EXOC2: variants seen among roughly 807,000 people sequenced by gnomAD.
The protein encoded by EXOC2 is SEC5-like 1.
In EXOC2, 70 loss-of-function variants were observed where a neutral mutation model predicts 131.8. The ratio of observed to expected loss-of-function variants is 0.53; its 90% CI spans 0.44 to 0.65. EXOC2 has a LOEUF of 0.65. EXOC2 is among the 30% of genes least tolerant of loss of function. The pLI, the probability that EXOC2 is intolerant of heterozygous loss-of-function variation, is 0.00. For synonymous variants in EXOC2, 411 were observed against 398.4 expected (o/e 1.03, Z -0.38); for missense variants, 923 against 1,108.6 (o/e 0.83, Z 2.38).
chr6:644,709 G>T (rs545562542), intron 1 of EXOC2, among the ~76,000 whole-genome samples: 29 of 152,048 alleles, frequency 1.9e-4, no homozygotes, highest in Non-Finnish European at 3.2e-4. Context: ...AGTAGGAAAT[G>T]ATTAGAAAAT....
At chr6:511,708 A>G (rs1374734293) in intron 23 of EXOC2, among the ~76,000 whole-genome samples, 1 of 152,220 alleles carries the variant, frequency 6.6e-6, no homozygotes, top group African/African-American at 2.4e-5. Flanking sequence ...CACTCCAAGG[A>G]TGTCACCAAT....
At chr6:658,629 AATATATATATATATTTTATATATATAT>A (rs1270215774) in intron 1 of EXOC2, among the ~76,000 whole-genome samples, 1 of 119,922 alleles carries the variant, frequency 8.3e-6, no homozygotes, top group Non-Finnish European at 1.8e-5. Flanking sequence ...GGATATTTAA[AATATATATATATATTTTATATATATAT>A]ATATATATAT....
In EXOC2 at chr6:490,918, A is replaced by G. The variant is rs139285530; in HGVS notation, c.2621+207T>C. Among the ~76,000 whole-genome samples, 120 of 152,322 alleles carry G rather than the reference A, an allele frequency of 7.9e-4. 1 individual carries two copies. The East Asian group carries it at 0.02, about 26-fold the overall frequency. ...ATGTCATACTCTGCTGTATTATAAG[A>G]CTAAGATTTGTCAGTAGTAAATGAA... is the stretch of plus-strand genomic sequence containing the variant. On this transcript the variant is annotated intron_variant, in intron 26 of 27. Coordinates refer to ENST00000230449, the MANE Select transcript of EXOC2 (RefSeq NM_018303.6).
chr6:491,133 G>A lies in EXOC2; in HGVS notation c.2613C>T (p.Pro871=), dbSNP rs765317151. Residue 871 remains proline (P), a synonymous_variant, in exon 26 of 28, where the codon CCC becomes CCT. Coordinates refer to ENST00000230449, the MANE Select transcript of EXOC2 (RefSeq NM_018303.6). ...LRDTVAVYLT[P]ESKSSFKQAL... ...AGAACACTGCCACTTACTTGCTTTCGGGTGTCAGGTAAACAGCCACAGTGT... is the reference window on the plus strand; with the variant it reads ...AGAACACTGCCACTTACTTGCTTTCAGGTGTCAGGTAAACAGCCACAGTGT... 28 of 1,613,738 alleles carry A rather than the reference G, an allele frequency of 1.7e-5. No individual in the cohort carries two copies. The highest frequency in any genetic ancestry group is 2.1e-5 in the Non-Finnish European group (25 of 1,179,988).
intron 11 of EXOC2, among the ~76,000 whole-genome samples, chr6:581,302 A>AC (rs1483086478): frequency 1.3e-5 from 2 of 152,108 alleles, no homozygotes; most frequent in African/African-American, 4.8e-5. Context: ...TCTCAAAAAA[A>AC]AAAAAAAAAA....
At chr6:574,496 G>A (rs1208396497) in intron 12 of EXOC2, among the ~76,000 whole-genome samples, 2 of 152,162 alleles carry the variant, frequency 1.3e-5, no homozygotes, top group East Asian at 1.9e-4. Flanking sequence ...CTACTCACAC[G>A]TGTAAGAACC....
At chr6:509,506 T>C (rs943740146) in intron 23 of EXOC2, among the ~76,000 whole-genome samples, 6 of 152,230 alleles carry the variant, frequency 3.9e-5, no homozygotes, top group Non-Finnish European at 7.3e-5. Flanking sequence ...TCCTCAGCTA[T>C]GATAGTCTAT....
chr6:508,293 C>A (rs1019204647), intron 23 of EXOC2, among the ~76,000 whole-genome samples: 1 of 152,222 alleles, frequency 6.6e-6, no homozygotes, highest in Non-Finnish European at 1.5e-5. Context: ...AAGACCTACA[C>A]TGACATGTGT....
At chr6:640,350 C>A (rs1762298520) in intron 1 of EXOC2, among the ~76,000 whole-genome samples, 1 of 152,036 alleles carries the variant, frequency 6.6e-6, no homozygotes, top group Non-Finnish European at 1.5e-5. Context: ...CGTTTTCTGA[C>A]CCCCAACATT....
At chr6:640,130 T>C (rs761605052) in intron 1 of EXOC2, among the ~76,000 whole-genome samples, 3 of 152,180 alleles carry the variant, frequency 2.0e-5, no homozygotes, top group Non-Finnish European at 2.9e-5. Flanking sequence ...TTTTCTATGA[T>C]ATGAGTTTTA....
At chr6:610,872 C>T (rs1040585308) in intron 6 of EXOC2, among the ~76,000 whole-genome samples, 1 of 152,190 alleles carries the variant, frequency 6.6e-6, no homozygotes, top group African/African-American at 2.4e-5. Context: ...AAACAGACTG[C>T]TCCTCTATCA....
chr6:493,326 T>A (rs778902420), intron 25 of EXOC2, among the ~76,000 whole-genome samples: 1 of 152,224 alleles, frequency 6.6e-6, no homozygotes, highest in Non-Finnish European at 1.5e-5. Flanking sequence ...TGCTAGAAAG[T>A]ATGACAATTT....
At chr6:659,891 G>A (rs1763334894) in intron 1 of EXOC2, among the ~76,000 whole-genome samples, 1 of 152,078 alleles carries the variant, frequency 6.6e-6, no homozygotes. Flanking sequence ...CAAATCTGGT[G>A]TGCAGACTCC....
At position 488,866 on chromosome 6, in the gene EXOC2, T is replaced by C. The variant is rs563261388; in HGVS notation, c.2681+113A>G. ...GTATATCTGCTTATTCTGATTCTTA[T>C]TTGGATTCTGCTCTTCCTAGAATCC... On this transcript the variant is annotated intron_variant, in intron 27 of 27. Coordinates refer to ENST00000230449, the MANE Select transcript of EXOC2 (RefSeq NM_018303.6). The C allele has an allele frequency of 4.0e-5, 46 of 1,139,826 alleles. 1 individual carries two copies. The Middle Eastern group carries it at 1.2e-3, about 30-fold the overall frequency. The allele number at this position is 1,139,826 out of a possible 1,614,324, so 70.6% of individuals were successfully genotyped here. A position where few individuals can be genotyped will look rare whatever the true frequency, so the allele number is the denominator to read the frequency against.
At chr6:577,208 C>T (rs1179994075) in intron 11 of EXOC2, among the ~76,000 whole-genome samples, 1 of 152,148 alleles carries the variant, frequency 6.6e-6, no homozygotes, top group Non-Finnish European at 1.5e-5. Flanking sequence ...AGCTGACTTA[C>T]ACATTTTTGT....
chr6:613,228 G>T (rs1189972350), intron 6 of EXOC2, among the ~76,000 whole-genome samples: 1 of 152,178 alleles, frequency 6.6e-6, no homozygotes, highest in African/African-American at 2.4e-5. Flanking sequence ...GTTGCTATTG[G>T]CAGGTGTTAT....
chr6:658,764 C>T (rs575379246), intron 1 of EXOC2, among the ~76,000 whole-genome samples: 139 of 150,062 alleles, frequency 9.3e-4, no homozygotes, highest in Non-Finnish European at 8.9e-4. Context: ...CAGGTTCAAG[C>T]GATTCTCTTG....
chr6:676,642 C>A (rs1409872204), intron 1 of EXOC2, among the ~76,000 whole-genome samples: 1 of 34,194 alleles, frequency 2.9e-5, no homozygotes, highest in African/African-American at 8.1e-5. Context: ...TCCCCATACT[C>A]TTCAACATTA....
At position 637,815 on chromosome 6, in the gene EXOC2, A is replaced by G; in HGVS notation, c.4T>C (p.Ser2Pro). Residue 2 changes from serine to proline, a missense_variant, in exon 2 of 28, where the codon TCT becomes CCT. By Grantham distance (74) the Ser-to-Pro change is moderately conservative. Coordinates refer to ENST00000230449, the MANE Select transcript of EXOC2 (RefSeq NM_018303.6). ...ACAAGGGGGGGTTGTCGTGATCGAG[A>G]CATTGTGCTTTGTGGAGCAAACTGG... M[S>P]RSRQPPLVTG... 3 of 1,613,532 alleles carry G rather than the reference A, an allele frequency of 1.9e-6. No homozygotes were observed. Among genetic ancestry groups the G allele is most frequent in the Non-Finnish European group, 2.5e-6 (3 of 1,179,836 alleles).
Sources: allele counts gnomAD v4.1 joint callset (sites outside exome capture counted in the v4.1 genomes callset), GRCh38; gene constraint gnomAD v4.1.1; transcripts MANE v1.5; gene names NCBI Gene and HGNC (gene_info 2026-07-23, HGNC 2026-07-21).